The following PTPRM variants were observed in gnomAD, a reference collection of about 807,000 sequenced individuals.
The protein encoded by PTPRM is protein tyrosine phosphatase receptor type M, also known as receptor-type tyrosine-protein phosphatase mu.
A neutral mutation model predicts 186.7 loss-of-function variants in PTPRM; 47 were observed. The ratio of observed to expected loss-of-function variants is 0.25; its 90% CI spans 0.20 to 0.32. The LOEUF is 0.32. Ranked by LOEUF, PTPRM falls within the 10% of genes least tolerant of loss-of-function variation. The pLI, the probability that PTPRM is intolerant of heterozygous loss-of-function variation, is 1.00. For synonymous variants in PTPRM, 668 were observed against 674.9 expected, an observed-to-expected ratio of 0.99 and a Z score of 0.16; for missense variants, 1,494 against 1,865.0, an observed-to-expected ratio of 0.80 and a Z score of 3.66.
At chr18:7,719,910 G>A (rs1230676514) in intron 1 of PTPRM, among the ~76,000 whole-genome samples, 1 of 152,088 alleles carries the variant, frequency 6.6e-6, no homozygotes, top group Non-Finnish European at 1.5e-5. Flanking sequence ...ACATACAAAA[G>A]TCAAAAGCCA....
At position 8,241,487 on chromosome 18, in the gene PTPRM, A is replaced by G. The variant is rs572147031; in HGVS notation, c.2301-2571A>G. On this transcript the variant is annotated intron_variant, in intron 14 of 32. Coordinates refer to ENST00000580170, the MANE Select transcript of PTPRM (RefSeq NM_001105244.2). The stretch of plus-strand genomic sequence containing the variant: ...ACAAAAGTGCCCACAAACATGCTTT[A>G]TTTGGGCTGTGTAGTGATTTATTTT... 3.3e-5 allele frequency among the ~76,000 whole-genome samples: 5 copies of G among 152,318 alleles called. No individual in the cohort carries two copies. The South Asian group carries it at 1.0e-3, about 32-fold the overall frequency.
At chr18:7,805,651 G>A (rs924527685) in intron 2 of PTPRM, among the ~76,000 whole-genome samples, 1 of 152,084 alleles carries the variant, frequency 6.6e-6, no homozygotes, top group African/African-American at 2.4e-5. Flanking sequence ...TTATCTTTTA[G>A]TCTGGACTGT....
At chr18:7,755,751 T>C (rs1281552056) in intron 1 of PTPRM, among the ~76,000 whole-genome samples, 2 of 152,216 alleles carry the variant, frequency 1.3e-5, no homozygotes, top group African/African-American at 4.8e-5. Context: ...ATTATATTTG[T>C]GCTGTTCTAC....
intron 5 of PTPRM, among the ~76,000 whole-genome samples, chr18:7,948,236 T>C (rs927252879): frequency 6.6e-6 from 1 of 151,622 alleles, no homozygotes; most frequent in Admixed American, 6.6e-5. Context: ...TGGGGGACTG[T>C]TGGTGTGAGA....
intron 14 of PTPRM, among the ~76,000 whole-genome samples, chr18:8,174,877 G>T (rs1468551678): frequency 6.6e-6 from 1 of 152,142 alleles, no homozygotes. Flanking sequence ...TTGCAACATG[G>T]TCCACGCATT....
chr18:8,127,743 A>ATCAT lies in PTPRM; in HGVS notation c.2167+12936_2167+12939dup, dbSNP rs369335875. On this transcript the variant is annotated intron_variant, in intron 13 of 32. Transcript: ENST00000580170. Reference sequence around the variant, plus strand: ...ACTATCCTCTACTACTAGAGAAGCTATCATTCATTCATTCATTCATTCACT... The same window carrying ATCAT: ...ACTATCCTCTACTACTAGAGAAGCTATCATTCATTCATTCATTCATTCATTCACT... 7.8e-3 allele frequency among the ~76,000 whole-genome samples: 1,182 copies of ATCAT among 152,212 alleles called. 10 individuals are homozygous for ATCAT. Among genetic ancestry groups the ATCAT allele is most frequent in the African/African-American group, 0.026 (1,090 of 41,538 alleles).
intron 19 of PTPRM, among the ~76,000 whole-genome samples, chr18:8,269,322 T>A (rs890621884): frequency 6.6e-6 from 1 of 151,900 alleles, no homozygotes; most frequent in Non-Finnish European, 1.5e-5. Flanking sequence ...ATACTTAGAA[T>A]AAATTTAACC....
intron 9 of PTPRM, among the ~76,000 whole-genome samples, chr18:8,080,727 A>G (rs994290810): frequency 1.3e-5 from 2 of 152,154 alleles, no homozygotes; most frequent in South Asian, 2.1e-4. Flanking sequence ...TTTGTTTTCA[A>G]TACTCAAGGG....
At chr18:8,255,686 C>G (rs969178180) in intron 19 of PTPRM, among the ~76,000 whole-genome samples, 2 of 152,068 alleles carry the variant, frequency 1.3e-5, no homozygotes, top group African/African-American at 4.8e-5. Flanking sequence ...ATATCAGGAA[C>G]AAATAGGAAG....
intron 1 of PTPRM, among the ~76,000 whole-genome samples, chr18:7,675,244 T>A (rs1423851439): frequency 2.0e-5 from 3 of 152,134 alleles, no homozygotes; most frequent in Admixed American, 2.0e-4. Context: ...GTTAGGGCCT[T>A]CCTTCTTTAA....
intron 1 of PTPRM, among the ~76,000 whole-genome samples, chr18:7,692,541 C>T (rs922163692): frequency 1.3e-5 from 2 of 152,146 alleles, no homozygotes; most frequent in Non-Finnish European, 2.9e-5. Flanking sequence ...AAATGTATTC[C>T]TTTAATGGTA....
chr18:7,892,478 T>C (rs2049130453), intron 3 of PTPRM, among the ~76,000 whole-genome samples: 1 of 152,232 alleles, frequency 6.6e-6, no homozygotes, highest in African/African-American at 2.4e-5. Flanking sequence ...CACCTTTGGA[T>C]AACATATTTC....
intron 1 of PTPRM, among the ~76,000 whole-genome samples, chr18:7,704,357 A>G (rs2040029715): frequency 6.6e-6 from 1 of 152,116 alleles, no homozygotes; most frequent in Non-Finnish European, 1.5e-5. Flanking sequence ...AGAACTTGTT[A>G]TTGGTCTATT....
chr18:8,053,186 A>G (rs1045999501), intron 7 of PTPRM, among the ~76,000 whole-genome samples: 1 of 152,056 alleles, frequency 6.6e-6, no homozygotes, highest in African/African-American at 2.4e-5. Context: ...CTTCTTTACA[A>G]TAATAAGGTT....
At chr18:8,326,698 A>G (rs1301935814) in intron 22 of PTPRM, among the ~76,000 whole-genome samples, 1 of 152,108 alleles carries the variant, frequency 6.6e-6, no homozygotes, top group Non-Finnish European at 1.5e-5. Flanking sequence ...ACTCCCCATT[A>G]TTAATATTAT....
chr18:7,849,546 G>A (rs551161006), intron 2 of PTPRM, among the ~76,000 whole-genome samples: 1 of 152,224 alleles, frequency 6.6e-6, no homozygotes, highest in East Asian at 1.9e-4. Flanking sequence ...GGGGATGCCA[G>A]TACTAACAGT....
chr18:8,350,251 A>T (rs2095527444), intron 23 of PTPRM, among the ~76,000 whole-genome samples: 1 of 152,162 alleles, frequency 6.6e-6, no homozygotes, highest in Non-Finnish European at 1.5e-5. Context: ...TGACCTTTTG[A>T]TGTAAAGAGC....
chr18:7,688,039 G>T (rs1487937492), intron 1 of PTPRM, among the ~76,000 whole-genome samples: 2 of 152,078 alleles, frequency 1.3e-5, no homozygotes, highest in Non-Finnish European at 2.9e-5. Context: ...GCTTCCCAAA[G>T]TGCTGGATTA....
intron 5 of PTPRM, among the ~76,000 whole-genome samples, chr18:7,944,498 A>G (rs1479786126): frequency 6.6e-6 from 1 of 152,174 alleles, no homozygotes; most frequent in East Asian, 1.9e-4. Context: ...CATTCCCAGC[A>G]TCAGAATACA....
Sources: gnomAD v4.1 joint callset for allele counts (sites outside exome capture counted in the v4.1 genomes callset) on GRCh38, gnomAD v4.1.1 for gene constraint, MANE v1.5 for transcripts, NCBI Gene and HGNC (gene_info 2026-07-23, HGNC 2026-07-21) for gene names.